The following THRB variants were observed in gnomAD, a reference collection of about 807,000 sequenced individuals.
The protein encoded by THRB is thyroid hormone receptor beta.
A neutral mutation model predicts 47.8 loss-of-function variants in THRB; 12 were observed. That is an observed-to-expected ratio of 0.25 (90% CI 0.16 to 0.41). The LOEUF (loss-of-function observed/expected upper bound fraction) is 0.41, where lower values mean the gene tolerates loss of function less well. Among genes scored for constraint, THRB ranks in the 10% least tolerant of loss-of-function variants. THRB has a pLI of 1.00. For missense variants in THRB, 348 were observed against 589.2 expected (o/e 0.59, Z 4.24); for synonymous variants, 218 against 212.2 (o/e 1.03, Z -0.24).
At chr3:24,336,118 C>T (rs1420590788) in intron 2 of THRB, among the ~76,000 whole-genome samples, 1 of 152,306 alleles carries the variant, frequency 6.6e-6, no homozygotes, top group Middle Eastern at 3.4e-3. Flanking sequence ...ATCTCTTTTT[C>T]TTGAACATTC....
At chr3:24,470,411 T>C (rs563834391) in intron 1 of THRB, among the ~76,000 whole-genome samples, 1 of 152,306 alleles carries the variant, frequency 6.6e-6, no homozygotes, top group East Asian at 1.9e-4. Context: ...AAATCCCAGT[T>C]CCACCATGTA....
intron 1 of THRB, among the ~76,000 whole-genome samples, chr3:24,361,869 T>G (rs2064097733): frequency 6.6e-6 from 1 of 152,132 alleles, no homozygotes; most frequent in Non-Finnish European, 1.5e-5. Flanking sequence ...TCTGCCGATT[T>G]AACTTATGGG....
At chr3:24,292,543 A>G (rs1221043485) in intron 3 of THRB, among the ~76,000 whole-genome samples, 1 of 152,088 alleles carries the variant, frequency 6.6e-6, no homozygotes, top group Non-Finnish European at 1.5e-5. Context: ...CACTGTGTGC[A>G]TCACCTTGTT....
At chr3:24,291,787 G>C in intron 3 of THRB, among the ~76,000 whole-genome samples, 1 of 152,104 alleles carries the variant, frequency 6.6e-6, no homozygotes, top group East Asian at 1.9e-4. Context: ...TTGTCAACAA[G>C]ACTGCAAATT....
At chr3:24,288,114 C>G (rs2055522653) in intron 3 of THRB, among the ~76,000 whole-genome samples, 1 of 152,142 alleles carries the variant, frequency 6.6e-6, no homozygotes, top group Non-Finnish European at 1.5e-5. Flanking sequence ...TATTCTGTCC[C>G]AAATATAGAA....
intron 5 of THRB, among the ~76,000 whole-genome samples, chr3:24,162,348 A>G (rs2038987715): frequency 6.6e-6 from 1 of 152,222 alleles, no homozygotes; most frequent in Non-Finnish European, 1.5e-5. Context: ...GTGTGCAGCC[A>G]GCACTGGCCC....
At chr3:24,217,497 G>A (rs958690490) in intron 4 of THRB, among the ~76,000 whole-genome samples, 1 of 151,598 alleles carries the variant, frequency 6.6e-6, no homozygotes, top group Admixed American at 6.6e-5. Flanking sequence ...CAGGTAAGAT[G>A]TTTGAAAGCA....
intron 6 of THRB, among the ~76,000 whole-genome samples, chr3:24,148,541 C>T (rs1330693498): frequency 6.6e-6 from 1 of 152,218 alleles, no homozygotes; most frequent in East Asian, 1.9e-4. Flanking sequence ...GGATTACAGG[C>T]ATGAGCCACT....
At chr3:24,385,248 C>T (rs1450223203) in intron 1 of THRB, among the ~76,000 whole-genome samples, 1 of 151,934 alleles carries the variant, frequency 6.6e-6, no homozygotes, top group Non-Finnish European at 1.5e-5. Context: ...TATTAATGAT[C>T]AAATACAGAC....
chr3:24,128,085 C>G (rs1382246560), intron 9 of THRB, among the ~76,000 whole-genome samples: 1 of 152,182 alleles, frequency 6.6e-6, no homozygotes, highest in East Asian at 1.9e-4. Context: ...ATAACTTCAA[C>G]TGATAACTGC....
chr3:24,429,018 T>G (rs890124225), intron 1 of THRB, among the ~76,000 whole-genome samples: 12 of 151,928 alleles, frequency 7.9e-5, no homozygotes, highest in Non-Finnish European at 1.5e-4. Flanking sequence ...AATTAAATTT[T>G]TTCTTGATTA....
rs1194175854 is a variant in THRB, at chr3:24,494,697, G to A, written c.-306C>T. On this transcript the variant is annotated 5_prime_UTR_variant, in exon 1 of 11. Coordinates refer to ENST00000646209, the MANE Select transcript of THRB (RefSeq NM_001354712.2). ...CTCTAGCCAAATTACCAGTGCCCTG[G>A]AGCCGGTTGGGTTGAGCGCCCCTGC... 1 of 152,438 alleles carries A rather than the reference G, an allele frequency of 6.6e-6. No individual in the cohort carries two copies. Among genetic ancestry groups the A allele is most frequent in the Non-Finnish European group, 1.5e-5 (1 of 68,326 alleles). The allele number at this position is 152,438 out of a possible 1,614,324, so 9.4% of individuals were successfully genotyped here.
At chr3:24,298,465 A>G (rs567159530) in intron 2 of THRB, among the ~76,000 whole-genome samples, 2 of 152,362 alleles carry the variant, frequency 1.3e-5, no homozygotes, top group South Asian at 2.1e-4. Context: ...TAAGAGGCCA[A>G]TAGTATTTTG....
intron 1 of THRB, among the ~76,000 whole-genome samples, chr3:24,420,723 G>C (rs1024777276): frequency 2.6e-5 from 4 of 151,806 alleles, no homozygotes; most frequent in African/African-American, 9.7e-5. Flanking sequence ...AGGTTGCAGA[G>C]TAAAAGGAAC....
intron 4 of THRB, among the ~76,000 whole-genome samples, chr3:24,194,349 ATT>A (rs11304075): frequency 1.3e-5 from 2 of 152,052 alleles, no homozygotes; most frequent in South Asian, 2.1e-4. Flanking sequence ...TAGAAGTAAT[ATT>A]TTTTTTTAAA....
chr3:24,356,460 C>G (rs555135459), intron 1 of THRB, among the ~76,000 whole-genome samples: 1 of 152,114 alleles, frequency 6.6e-6, no homozygotes, highest in South Asian at 2.1e-4. Flanking sequence ...ATGGTCCAGG[C>G]CAGTCAAGTC....
chr3:24,449,365 T>C (rs1191511231), intron 1 of THRB, among the ~76,000 whole-genome samples: 1 of 152,158 alleles, frequency 6.6e-6, no homozygotes, highest in Admixed American at 6.5e-5. Context: ...ATATCAACTA[T>C]CCTCAGGCAG....
intron 2 of THRB, among the ~76,000 whole-genome samples, chr3:24,335,492 C>A (rs978319568): frequency 1.3e-5 from 2 of 152,080 alleles, no homozygotes; most frequent in Non-Finnish European, 2.9e-5. Flanking sequence ...CACTAAATGC[C>A]GAATTTATGT....
chr3:24,378,582 T>G (rs1484694138), intron 1 of THRB, among the ~76,000 whole-genome samples: 1 of 152,178 alleles, frequency 6.6e-6, no homozygotes, highest in East Asian at 1.9e-4. Context: ...TTTCCTGCCA[T>G]GACGGTGCTC....
Sources: allele counts gnomAD v4.1 joint callset (sites outside exome capture counted in the v4.1 genomes callset), GRCh38; gene constraint gnomAD v4.1.1; transcripts MANE v1.5; gene names NCBI Gene and HGNC (gene_info 2026-07-23, HGNC 2026-07-21).